Variants in YPEL5 observed in about 807,000 individuals in gnomAD.
YPEL5 encodes the protein yippee like 5, also known as protein yippee-like 5.
A neutral mutation model predicts 10.5 loss-of-function variants in YPEL5; 1 was observed. The observed-to-expected ratio is 0.10, with a 90% CI of 0.03 to 0.45. YPEL5 has a LOEUF of 0.45. YPEL5 is among the 20% of genes least tolerant of loss of function. The pLI, the probability that YPEL5 is intolerant of heterozygous loss-of-function variation, is 0.97. For missense variants in YPEL5, 68 were observed against 159.3 expected, an observed-to-expected ratio of 0.43 and a Z score of 3.09; for synonymous variants, 61 against 56.6, an observed-to-expected ratio of 1.08 and a Z score of -0.35.
At position 30,159,114 on chromosome 2, in the gene YPEL5, G is replaced by A. The variant is rs534617416; in HGVS notation, c.*271G>A. On this transcript the variant is annotated 3_prime_UTR_variant, in exon 3 of 3. Transcript: ENST00000261353. Reference sequence around the variant, plus strand: ...CTTGAGGCAGCAGAGTCTGTCTGCAGCTATGTGGTGAGCTATGTAAGGAAA... The same window carrying A: ...CTTGAGGCAGCAGAGTCTGTCTGCAACTATGTGGTGAGCTATGTAAGGAAA... The A allele has an allele frequency of 1.9e-5, 8 of 426,438 alleles. No homozygotes were observed. Among genetic ancestry groups the A allele is most frequent in the South Asian group, 1.3e-4 (4 of 30,554 alleles). 26.4% of individuals were successfully genotyped at this position (426,438 alleles called of 1,614,324 possible).
chr2:30,151,141 G>A (rs1558355371), intron 1 of YPEL5, among the ~76,000 whole-genome samples: 1 of 152,186 alleles, frequency 6.6e-6, no homozygotes, highest in Non-Finnish European at 1.5e-5. Context: ...GCTTGATAGT[G>A]TATGTGTAAA....
chr2:30,152,813 AAT>A (rs1310382673), intron 1 of YPEL5, among the ~76,000 whole-genome samples: 12 of 152,172 alleles, frequency 7.9e-5, no homozygotes, highest in Admixed American at 6.5e-5. Flanking sequence ...GGCAGAGTTC[AAT>A]ATGTTATTCA....
chr2:30,151,435 A>G (rs1294121209), intron 1 of YPEL5, among the ~76,000 whole-genome samples: 1 of 152,202 alleles, frequency 6.6e-6, no homozygotes, highest in Non-Finnish European at 1.5e-5. Flanking sequence ...TATTGGTGAG[A>G]GAGGGAGGAA....
At chr2:30,154,163 A>G (rs1198904850) in intron 1 of YPEL5, among the ~76,000 whole-genome samples, 1 of 152,204 alleles carries the variant, frequency 6.6e-6, no homozygotes, top group African/African-American at 2.4e-5. Context: ...CCCTAGCTGG[A>G]GGTTACAAAT....
chr2:30,148,245 AGATCTGTTGGT>A (rs1431712122), intron 1 of YPEL5: 1 of 152,222 alleles, frequency 6.6e-6, no homozygotes, highest in African/African-American at 2.4e-5. Flanking sequence ...CTGTTTACAG[AGATCTGTTGGT>A]AATCTGAGGA....
At chr2:30,158,564 A>G (rs953887478) in intron 2 of YPEL5, 55 bp from the exon 3 acceptor site, 2 of 1,543,928 alleles carry the variant, frequency 1.3e-6, no homozygotes, top group Non-Finnish European at 1.8e-6. Flanking sequence ...TTTTGTACAT[A>G]CTTGGCAAAT....
chr2:30,156,880 C>T, intron 2 of YPEL5, 88 bp downstream of exon 2: 1 of 1,462,920 alleles, frequency 6.8e-7, no homozygotes, highest in Non-Finnish European at 9.4e-7. Flanking sequence ...CTTAGAGATA[C>T]CAGGAAGAGT....
chr2:30,157,929 C>T (rs1393628243), intron 2 of YPEL5, among the ~76,000 whole-genome samples: 1 of 152,230 alleles, frequency 6.6e-6, no homozygotes, highest in East Asian at 1.9e-4. Flanking sequence ...TTTCATGCTA[C>T]AGTGCCAGAG....
Position 30,153,789 on chromosome 2 carries a change from TG to T in YPEL5, c.-24-2838del, listed in dbSNP as rs1675918194. On this transcript the variant is annotated intron_variant, in intron 1 of 2. Transcript: ENST00000261353. Reference sequence around the variant, plus strand: ...AAATGGCAACCACAACTAGGAATAGTGTAACATAAGGTTTTGCTCAGATATT... The same window carrying T: ...AAATGGCAACCACAACTAGGAATAGTTAACATAAGGTTTTGCTCAGATATT... Among the ~76,000 whole-genome samples the T allele has an allele frequency of 2.6e-5, 4 of 152,360 alleles. No individual in the cohort carries two copies. The South Asian group carries it at 8.3e-4, about 32-fold the overall frequency.
chr2:30,149,086 A>G (rs1026569659), intron 1 of YPEL5, among the ~76,000 whole-genome samples: 1 of 152,204 alleles, frequency 6.6e-6, no homozygotes, highest in Non-Finnish European at 1.5e-5. Flanking sequence ...ATTGCATCAC[A>G]ACAAACGAGA....
At chr2:30,155,601 A>C (rs186186553) in intron 1 of YPEL5, among the ~76,000 whole-genome samples, 36 of 152,378 alleles carry the variant, frequency 2.4e-4, no homozygotes, top group Non-Finnish European at 5.0e-4. Flanking sequence ...ATTCTTGACT[A>C]TATCTAGATC....
rs1572763780 is a variant in YPEL5, at chr2:30,159,012, T to C, written c.*169T>C. On this transcript the variant is annotated 3_prime_UTR_variant, in exon 3 of 3. Coordinates refer to ENST00000261353, the MANE Select transcript of YPEL5 (RefSeq NM_016061.3). ...TTCTTTCTTTCTTTTTTTTTAAATTTTGTATTTTCCATCCAACAGCAGTGT... is the reference window on the plus strand; with the variant it reads ...TTCTTTCTTTCTTTTTTTTTAAATTCTGTATTTTCCATCCAACAGCAGTGT... 6 of 700,250 alleles carry C rather than the reference T, an allele frequency of 8.6e-6. No homozygotes were observed. The East Asian group carries it at 1.1e-4, about 13-fold the overall frequency. The allele number at this position is 700,250 out of a possible 1,614,324, so 43.4% of individuals were successfully genotyped here.
rs1009645367 is a variant in YPEL5, at chr2:30,159,769, A to G, written c.*926A>G. On this transcript the variant is annotated 3_prime_UTR_variant, in exon 3 of 3. Coordinates refer to ENST00000261353, the MANE Select transcript of YPEL5 (RefSeq NM_016061.3). The stretch of plus-strand genomic sequence containing the variant: ...TCAATGTGCATTCATGCAAAAAAAC[A>G]TTTAATCTGCATCTGTTTTAGAAAA... 2 of 152,256 alleles carry G rather than the reference A, an allele frequency of 1.3e-5. No individual in the cohort carries two copies. The highest frequency in any genetic ancestry group is 2.9e-5 in the Non-Finnish European group (2 of 68,040). The allele number at this position is 152,256 out of a possible 1,614,324, so 9.4% of individuals were successfully genotyped here. A position where few individuals can be genotyped will look rare whatever the true frequency, so the allele number is the denominator to read the frequency against.
intron 1 of YPEL5, chr2:30,148,032 C>G (rs923528968): frequency 5.3e-5 from 8 of 152,160 alleles, no homozygotes; most frequent in Non-Finnish European, 7.4e-5. Context: ...GCCTTCCCTC[C>G]GCTTGCAGTC....
rs949239385 is a variant in YPEL5 at position 30,160,056 on chromosome 2, A to G, written c.*1213A>G. 1 of 152,674 alleles carries G rather than the reference A, an allele frequency of 6.5e-6. No individual in the cohort carries two copies. The highest frequency in any genetic ancestry group is 1.5e-5 in the Non-Finnish European group (1 of 68,044). 9.5% of individuals were successfully genotyped at this position (152,674 alleles called of 1,614,324 possible). A position where few individuals can be genotyped will look rare whatever the true frequency, so the allele number is the denominator to read the frequency against. ...TAGCCCCAAATTTATGACATTACAC[A>G]ATATTAAAATGTAAATGTTTCTTTA... On this transcript the variant is annotated 3_prime_UTR_variant, in exon 3 of 3. Coordinates refer to ENST00000261353, the MANE Select transcript of YPEL5 (RefSeq NM_016061.3).
intron 1 of YPEL5, 132 bp from the exon 2 acceptor site, chr2:30,156,496 A>G (rs72785870): frequency 0.13 from 104,858 of 807,904 alleles, 7,959 homozygotes; most frequent in Middle Eastern, 0.16. Flanking sequence ...AGGATCAGCT[A>G]TTTCACACAT....
At chr2:30,155,580 A>G (rs900337631) in intron 1 of YPEL5, among the ~76,000 whole-genome samples, 9 of 152,250 alleles carry the variant, frequency 5.9e-5, no homozygotes, top group Admixed American at 3.9e-4. Flanking sequence ...TTTAAATTAA[A>G]ACTGTGGTAT....
chr2:30,150,062 A>G (rs748889178), intron 1 of YPEL5, among the ~76,000 whole-genome samples: 10 of 152,294 alleles, frequency 6.6e-5, no homozygotes, highest in Non-Finnish European at 1.3e-4. Flanking sequence ...TATAGGGACA[A>G]CAAGTACCTA....
At chr2:30,149,104 A>C (rs1675657744) in intron 1 of YPEL5, among the ~76,000 whole-genome samples, 1 of 152,132 alleles carries the variant, frequency 6.6e-6, no homozygotes, top group Non-Finnish European at 1.5e-5. Context: ...AGACCATGAA[A>C]TTGTCTTGCT....
Sources: gnomAD v4.1 joint callset for allele counts (sites outside exome capture counted in the v4.1 genomes callset) on GRCh38, gnomAD v4.1.1 for gene constraint, MANE v1.5 for transcripts, NCBI Gene and HGNC (gene_info 2026-07-23, HGNC 2026-07-21) for gene names.